The following FMO5 variants were observed in gnomAD, a reference collection of about 807,000 sequenced individuals.
FMO5 encodes flavin containing dimethylaniline monoxygenase 5, also known as flavin-containing monooxygenase 5.
Under a neutral mutation model 43.6 loss-of-function variants are expected in FMO5, and 51 were observed. That is an observed-to-expected ratio of 1.17 (90% CI 0.93 to 1.48). The LOEUF (loss-of-function observed/expected upper bound fraction) is 1.48. Among genes scored for constraint, FMO5 ranks in the 40% most tolerant of loss-of-function variants. The pLI, the probability that FMO5 is intolerant of heterozygous loss-of-function variation, is 0.00. For synonymous variants in FMO5, 187 were observed against 216.5 expected (o/e 0.86, Z 1.20); for missense variants, 644 against 643.0 (o/e 1.00, Z -0.02).
chr1:147,227,165 G>T (rs1470497313), upstream of FMO5, among the ~76,000 whole-genome samples: 1 of 152,142 alleles, frequency 6.6e-6, no homozygotes, highest in African/African-American at 2.4e-5. Context: ...TTTCACAAAA[G>T]CATTCAACTA....
intron 2 of FMO5, among the ~76,000 whole-genome samples, chr1:147,218,802 A>G (rs1170358982): frequency 1.3e-5 from 2 of 152,162 alleles, no homozygotes; most frequent in Non-Finnish European, 2.9e-5. Flanking sequence ...ACCTTCGTAA[A>G]TATTACTATT....
intron 6 of FMO5, among the ~76,000 whole-genome samples, chr1:147,202,361 C>T (rs587668436): frequency 7.1e-5 from 8 of 112,476 alleles, no homozygotes; most frequent in Admixed American, 2.7e-4. Flanking sequence ...CTTCTTTTGC[C>T]GAAGCTGGAG....
At chr1:147,202,498 T>G (rs1553921281) in intron 6 of FMO5, among the ~76,000 whole-genome samples, 1 of 151,888 alleles carries the variant, frequency 6.6e-6, no homozygotes, top group Non-Finnish European at 1.5e-5. Flanking sequence ...TTTTGTATTT[T>G]TAGTAGAGAC....
intron 6 of FMO5, among the ~76,000 whole-genome samples, chr1:147,207,980 T>C (rs587662616): frequency 6.6e-6 from 1 of 152,276 alleles, no homozygotes; most frequent in South Asian, 2.1e-4. Context: ...TCAGCTTCTT[T>C]CTTCAGCCTC....
Position 147,201,272 on chromosome 1 carries a change from T to G in FMO5, c.1063A>C (p.Lys355Gln), listed in dbSNP as rs1335745543. 2.2e-5 allele frequency: 35 copies of G among 1,614,076 alleles called. No individual in the cohort carries two copies. Among genetic ancestry groups the G allele is most frequent in the Middle Eastern group, 1.6e-4 (1 of 6,084 alleles). ...CTTTCCAGGTTAGGAGGGAAGACCT[T>G]TTTATACAGGGATATCTTGTTTTTG... Reference protein sequence around the residue: ...VVKNKISLYKKVFPPNLERPT... With the variant: ...VVKNKISLYKQVFPPNLERPT... The change falls in exon 7 of 9, where the codon AAG becomes CAG. Residue 355 changes from lysine to glutamine, a missense_variant. By Grantham distance (53) the Lys-to-Gln change is moderately conservative. Coordinates refer to ENST00000254090, the MANE Select transcript of FMO5 (RefSeq NM_001461.4).
Position 147,186,345 on chromosome 1 carries a change from T to G in FMO5, c.*555A>C. 1 of 972,688 alleles carries G rather than the reference T, an allele frequency of 1.0e-6. No homozygotes were observed. The highest frequency in any genetic ancestry group is 4.8e-5 in the South Asian group (1 of 21,024). 60.3% of individuals were successfully genotyped at this position (972,688 alleles called of 1,614,324 possible). ...AATGACCATGTTTCAAGTACACTAG[T>G]GAATAGCAAGTGAAACAAAATGTCT... On this transcript the variant is annotated 3_prime_UTR_variant, in exon 9 of 9. Coordinates refer to ENST00000254090, the MANE Select transcript of FMO5 (RefSeq NM_001461.4).
At chr1:147,193,677 A>C (rs1332265603) in intron 7 of FMO5, among the ~76,000 whole-genome samples, 3 of 152,080 alleles carry the variant, frequency 2.0e-5, no homozygotes, top group Non-Finnish European at 4.4e-5. Context: ...CACTGCTTTA[A>C]ATGTGTTCCA....
intron 7 of FMO5, among the ~76,000 whole-genome samples, chr1:147,197,749 C>A (rs1281667786): frequency 1.3e-5 from 2 of 152,168 alleles, no homozygotes; most frequent in African/African-American, 4.8e-5. Flanking sequence ...CAGCCTCAGG[C>A]AGTTCTTTAT....
chr1:147,201,506 T>C lies in FMO5; in HGVS notation c.831-2A>G, dbSNP rs587717118. On this transcript the variant is annotated splice_acceptor_variant, in intron 6 of 8. Transcript: ENST00000254090. LOFTEE classifies it high-confidence loss of function. Reference sequence around the variant, plus strand: ...AAGGTTGGATGCTGACTCAGAGCTCTGTGAGTCGTGACAAAGATCAAGTGG... The same window carrying C: ...AAGGTTGGATGCTGACTCAGAGCTCCGTGAGTCGTGACAAAGATCAAGTGG... 35 of 1,603,190 alleles carry C rather than the reference T, an allele frequency of 2.2e-5. No individual in the cohort carries two copies. In the South Asian group the frequency reaches 3.5e-4, roughly 16 times the overall value.
rs115719649 is a variant in FMO5 at position 147,221,328 on chromosome 1, C to T, written c.135+3567G>A. On this transcript the variant is annotated intron_variant, in intron 2 of 8. Transcript: ENST00000254090. Reference sequence around the variant, plus strand: ...TATTGGTTCATTCATTATTTAAAAACGTATCATACTAATGTAAAATGGGGT... The same window carrying T: ...TATTGGTTCATTCATTATTTAAAAATGTATCATACTAATGTAAAATGGGGT... Among the ~76,000 whole-genome samples, 914 of 152,168 alleles carry T rather than the reference C, an allele frequency of 6.0e-3. 13 individuals carry two copies. The highest frequency in any genetic ancestry group is 0.021 in the African/African-American group (860 of 41,510).
intron 8 of FMO5, among the ~76,000 whole-genome samples, chr1:147,188,023 A>G (rs1399903958): frequency 5.3e-5 from 8 of 152,156 alleles, no homozygotes; most frequent in Admixed American, 5.2e-4. Flanking sequence ...AAATGATAGA[A>G]AATAAATTTG....
chr1:147,225,855 G>A (rs1663934703), upstream of FMO5: 1 of 152,176 alleles, frequency 6.6e-6, no homozygotes, highest in South Asian at 2.1e-4. Context: ...CGTCTTAAGA[G>A]CCGAGCTCCC....
intron 2 of FMO5, among the ~76,000 whole-genome samples, chr1:147,218,138 T>G (rs909857274): frequency 1.2e-4 from 18 of 152,194 alleles, no homozygotes; most frequent in African/African-American, 4.3e-4. Context: ...GTCAAATGCA[T>G]AGATATATTT....
chr1:147,205,442 C>CA (rs1165436039), intron 6 of FMO5, among the ~76,000 whole-genome samples: 2 of 152,118 alleles, frequency 1.3e-5, no homozygotes, highest in East Asian at 3.9e-4. Flanking sequence ...GTATATGTGT[C>CA]AAAAACATTT....
intron 7 of FMO5, among the ~76,000 whole-genome samples, chr1:147,200,065 C>G (rs1658709314): frequency 6.6e-6 from 1 of 152,154 alleles, no homozygotes; most frequent in Admixed American, 6.6e-5. Context: ...CCTGCCCCGG[C>G]CCAGTGAGCA....
At chr1:147,214,190 G>A (rs587646923) in intron 3 of FMO5, among the ~76,000 whole-genome samples, 3 of 152,238 alleles carry the variant, frequency 2.0e-5, no homozygotes, top group South Asian at 2.1e-4. Context: ...GGTGGCTCAC[G>A]CATGTAATCC....
chr1:147,210,888 A>G (rs1660963936), intron 5 of FMO5: 2 of 152,212 alleles, frequency 1.3e-5, no homozygotes, highest in South Asian at 4.1e-4. Context: ...TATGAAATTA[A>G]TATTGAAAAA....
intron 7 of FMO5, among the ~76,000 whole-genome samples, chr1:147,197,865 A>G (rs6703847): frequency 0.086 from 13,155 of 152,226 alleles, 637 homozygotes; most frequent in African/African-American, 0.13. Flanking sequence ...CCCTAGCAGA[A>G]GGCCTGGTAC....
chr1:147,208,650 G>C, intron 6 of FMO5: 4 of 459,702 alleles, frequency 8.7e-6, no homozygotes, highest in Non-Finnish European at 1.6e-5. Context: ...TGTTGGCCAG[G>C]ATGGTCTCAA....
Sources: gnomAD v4.1 joint callset for allele counts (sites outside exome capture counted in the v4.1 genomes callset) on GRCh38, gnomAD v4.1.1 for gene constraint, MANE v1.5 for transcripts, NCBI Gene and HGNC (gene_info 2026-07-23, HGNC 2026-07-21) for gene names.